DYNC2I1: variants seen among roughly 807,000 people sequenced by gnomAD.
The protein encoded by DYNC2I1 is dynein 2 intermediate chain 1.
DYNC2I1 carries 89 observed loss-of-function variants against 133.4 expected under a neutral mutation model. The observed-to-expected ratio is 0.67, with a 90% CI of 0.56 to 0.80. The LOEUF (loss-of-function observed/expected upper bound fraction) is 0.80, where lower values mean the gene tolerates loss of function less well. Among genes scored for constraint, DYNC2I1 ranks in the 30% least tolerant of loss-of-function variants. The pLI, the probability that DYNC2I1 is intolerant of heterozygous loss-of-function variation, is 0.00. For synonymous variants in DYNC2I1, 504 were observed against 484.3 expected, an observed-to-expected ratio of 1.04 and a Z score of -0.54; for missense variants, 1,291 against 1,314.5, an observed-to-expected ratio of 0.98 and a Z score of 0.28.
rs571043724 is a variant in DYNC2I1, at chr7:158,857,949, C to G, written c.15+1199C>G. Among the ~76,000 whole-genome samples, 142 of 152,172 alleles carry G rather than the reference C, an allele frequency of 9.3e-4. 1 individual carries two copies. The highest frequency in any genetic ancestry group is 3.3e-3 in the African/African-American group (136 of 41,492). Reference sequence around the variant, plus strand: ...GGGATTACAGGCAGGTGCCACTATGCCTGGCTAATTTTTGTATTTTTAGTA... The same window carrying G: ...GGGATTACAGGCAGGTGCCACTATGGCTGGCTAATTTTTGTATTTTTAGTA... On this transcript the variant is annotated intron_variant, in intron 1 of 24. Transcript: ENST00000407559.
chr7:158,866,541 C>CT (rs1380929583), intron 1 of DYNC2I1, among the ~76,000 whole-genome samples: 2 of 152,002 alleles, frequency 1.3e-5, no homozygotes, highest in Non-Finnish European at 1.5e-5. Context: ...CCATTCAGCC[C>CT]TTTTTTTATA....
chr7:158,923,905 A>G (rs1397332665), intron 17 of DYNC2I1, among the ~76,000 whole-genome samples, 172 bp downstream of exon 17: 1 of 152,256 alleles, frequency 6.6e-6, no homozygotes, highest in Non-Finnish European at 1.5e-5. Context: ...ATCAATTCCA[A>G]TCATGATTAT....
intron 8 of DYNC2I1, among the ~76,000 whole-genome samples, chr7:158,899,609 G>A (rs757675377): frequency 2.0e-5 from 3 of 151,606 alleles, no homozygotes; most frequent in Non-Finnish European, 4.4e-5. Context: ...TGTTGTGGGA[G>A]GGACCCAGGG....
At chr7:158,941,319 G>A (rs1851338724) in intron 23 of DYNC2I1, among the ~76,000 whole-genome samples, 1 of 152,172 alleles carries the variant, frequency 6.6e-6, no homozygotes, top group Non-Finnish European at 1.5e-5. Context: ...TTTTCATGGA[G>A]CCAATCTTAA....
chr7:158,848,671 T>C, the DYNC2I1 span, among the ~76,000 whole-genome samples: 2 of 152,268 alleles, frequency 1.3e-5, no homozygotes, highest in African/African-American at 4.8e-5. Flanking sequence ...ACGCCTGTAA[T>C]CCCAGCACTT....
intron 23 of DYNC2I1, among the ~76,000 whole-genome samples, chr7:158,936,567 G>A (rs1400578965): frequency 6.6e-6 from 1 of 152,214 alleles, no homozygotes; most frequent in Non-Finnish European, 1.5e-5. Context: ...AGCCCATGGG[G>A]AGCATCCCGA....
At chr7:158,917,980 A>T (rs1247110184) in intron 14 of DYNC2I1, among the ~76,000 whole-genome samples, 1 of 151,572 alleles carries the variant, frequency 6.6e-6, no homozygotes, top group African/African-American at 2.4e-5. Flanking sequence ...CCTCACTCCC[A>T]TACGGTTGGC....
At chr7:158,861,359 T>C (rs1841852691) in intron 1 of DYNC2I1, among the ~76,000 whole-genome samples, 1 of 152,206 alleles carries the variant, frequency 6.6e-6, no homozygotes, top group Non-Finnish European at 1.5e-5. Flanking sequence ...GACCAGCCTT[T>C]GTAATTTTTC....
intron 8 of DYNC2I1, among the ~76,000 whole-genome samples, chr7:158,893,380 C>G (rs1174449392): frequency 6.6e-6 from 1 of 152,158 alleles, no homozygotes; most frequent in Admixed American, 6.5e-5. Flanking sequence ...TTGAAAGTAT[C>G]GTGATTTGAA....
chr7:158,857,534 G>GTTT lies in DYNC2I1; in HGVS notation c.15+787_15+789dup, dbSNP rs374994955. On this transcript the variant is annotated intron_variant, in intron 1 of 24. Coordinates refer to ENST00000407559, the MANE Select transcript of DYNC2I1 (RefSeq NM_018051.5). ...GTATTTTATGTTATATAAACCTTAG[G>GTTT]TTTTTGTTTTTTTTTTTTTTTTGAG... Among the ~76,000 whole-genome samples, 307 of 131,336 alleles carry GTTT rather than the reference G, an allele frequency of 2.3e-3. 24 individuals are homozygous for GTTT. Among genetic ancestry groups the GTTT allele is most frequent in the African/African-American group, 8.7e-3 (279 of 32,068 alleles). The allele number at this position is 131,336 out of a possible 152,430, so 86.2% of individuals were successfully genotyped here.
At chr7:158,855,939 C>CTTTTTTT (rs71200072), upstream of DYNC2I1, among the ~76,000 whole-genome samples, 10 of 119,288 alleles carry the variant, frequency 8.4e-5, no homozygotes, top group Non-Finnish European at 1.0e-4. Flanking sequence ...AAGCTCTTTT[C>CTTTTTTT]TTTTTTTTTT....
intron 6 of DYNC2I1, among the ~76,000 whole-genome samples, chr7:158,886,077 A>T (rs1476054438): frequency 1.3e-5 from 2 of 149,726 alleles, no homozygotes; most frequent in Non-Finnish European, 3.0e-5. Context: ...TTTTATATTT[A>T]ATATAAAATA....
the DYNC2I1 span, among the ~76,000 whole-genome samples, chr7:158,848,822 G>T: frequency 2.0e-5 from 3 of 152,094 alleles, no homozygotes; most frequent in Non-Finnish European, 4.4e-5. Context: ...TACTTGGGAG[G>T]CTGAGGCAGG....
chr7:158,920,894 G>A (rs1246880584), intron 15 of DYNC2I1, among the ~76,000 whole-genome samples: 3 of 152,054 alleles, frequency 2.0e-5, no homozygotes, highest in African/African-American at 4.8e-5. Context: ...ATTAAAACAC[G>A]CGGCAGAATG....
At chr7:158,920,094 G>T (rs994604473) in intron 15 of DYNC2I1, among the ~76,000 whole-genome samples, 2 of 136,128 alleles carry the variant, frequency 1.5e-5, no homozygotes, top group Admixed American at 1.5e-4. Context: ...CCGGGCCTCC[G>T]TCGGGGAACA....
At chr7:158,947,487 A>G (rs893195809), downstream of DYNC2I1, among the ~76,000 whole-genome samples, 1 of 152,184 alleles carries the variant, frequency 6.6e-6, no homozygotes, top group Non-Finnish European at 1.5e-5. Context: ...TGCAGTTCAC[A>G]GTTCGTTCTC....
intron 4 of DYNC2I1, among the ~76,000 whole-genome samples, chr7:158,952,790 C>T (rs538800023): frequency 5.9e-5 from 9 of 152,148 alleles, no homozygotes; most frequent in Non-Finnish European, 7.4e-5. Context: ...CGTCGTAAGA[C>T]AGAATCCGCA....
intron 8 of DYNC2I1, among the ~76,000 whole-genome samples, chr7:158,896,944 C>T (rs1331334112): frequency 1.3e-5 from 2 of 151,020 alleles, no homozygotes; most frequent in African/African-American, 4.9e-5. Flanking sequence ...ATTCTTTCTG[C>T]CTCTGTGCCC....
chr7:158,881,728 C>G (rs1045515921), intron 5 of DYNC2I1, among the ~76,000 whole-genome samples: 1 of 152,198 alleles, frequency 6.6e-6, no homozygotes, highest in African/African-American at 2.4e-5. Flanking sequence ...GCTGGGATTA[C>G]AGGCATGAGC....
Sources: allele counts gnomAD v4.1 joint callset (sites outside exome capture counted in the v4.1 genomes callset), GRCh38; gene constraint gnomAD v4.1.1; transcripts MANE v1.5; gene names NCBI Gene and HGNC (gene_info 2026-07-23, HGNC 2026-07-21).